The following MRPL1 variants were observed in gnomAD, a reference collection of about 807,000 sequenced individuals.
MRPL1 encodes mitochondrial ribosomal protein L1.
Under a neutral mutation model 38.0 loss-of-function variants are expected in MRPL1, and 28 were observed. That is an observed-to-expected ratio of 0.74 (90% CI 0.55 to 1.01). MRPL1 has a LOEUF of 1.01. Among genes scored for constraint, MRPL1 ranks in the 50% least tolerant of loss-of-function variants. The pLI, the probability that MRPL1 is intolerant of heterozygous loss-of-function variation, is 0.00. For missense variants in MRPL1, 358 were observed against 389.8 expected (o/e 0.92, Z 0.69); for synonymous variants, 123 against 126.7 (o/e 0.97, Z 0.20).
intron 5 of MRPL1, among the ~76,000 whole-genome samples, chr4:77,890,602 C>T (rs1735784754): frequency 6.6e-6 from 1 of 152,308 alleles, no homozygotes; most frequent in Non-Finnish European, 1.5e-5. Context: ...TCTCTCACTC[C>T]TATTCAACAT....
rs573840599 is a variant in MRPL1, at chr4:77,891,833, A to G, written c.559-2306A>G. 2.0e-5 allele frequency among the ~76,000 whole-genome samples: 3 copies of G among 152,342 alleles called. No individual in the cohort carries two copies. The South Asian group carries it at 6.2e-4, about 32-fold the overall frequency. On this transcript the variant is annotated intron_variant, in intron 5 of 8. Transcript: ENST00000315567. ...ATTTTAAAATTCTGTAGTATAGAAA[A>G]TATTAACAGGTACAGAATTTCTCTT...
intron 7 of MRPL1, among the ~76,000 whole-genome samples, chr4:77,914,602 ATTATC>A (rs964709771): frequency 1.3e-5 from 2 of 152,176 alleles, no homozygotes; most frequent in Non-Finnish European, 2.9e-5. Flanking sequence ...TATTATTAGA[ATTATC>A]TTATAGTTAA....
intron 6 of MRPL1, among the ~76,000 whole-genome samples, chr4:77,895,294 G>A (rs1347738368): frequency 2.0e-5 from 3 of 152,108 alleles, no homozygotes; most frequent in Admixed American, 1.3e-4. Flanking sequence ...TCTTCATAAC[G>A]AGACTGGAGT....
intron 2 of MRPL1, among the ~76,000 whole-genome samples, chr4:77,872,828 G>T (rs938726848): frequency 6.6e-6 from 1 of 152,050 alleles, no homozygotes; most frequent in African/African-American, 2.4e-5. Context: ...GCACCACTGT[G>T]CTCCAGCCTG....
chr4:77,868,536 C>T lies in MRPL1; in HGVS notation c.32-3208C>T, dbSNP rs374585247. Among the ~76,000 whole-genome samples the T allele has an allele frequency of 6.6e-5, 10 of 152,274 alleles. No individual in the cohort carries two copies. The East Asian group carries it at 1.5e-3, about 23-fold the overall frequency. ...GATTACCGGCATGAGCCACCACGCC[C>T]GACCTGGATAATTATTTCTTTAGTT... is the stretch of plus-strand genomic sequence containing the variant. On this transcript the variant is annotated intron_variant, in intron 1 of 8. Transcript: ENST00000315567.
At chr4:77,913,753 G>A (rs527914710) in intron 7 of MRPL1, among the ~76,000 whole-genome samples, 8 of 152,220 alleles carry the variant, frequency 5.3e-5, no homozygotes, top group African/African-American at 1.9e-4. Context: ...TTCACTGCAG[G>A]TGAATATAAA....
At chr4:77,893,871 G>A (rs1040158459) in intron 5 of MRPL1, among the ~76,000 whole-genome samples, 5 of 152,000 alleles carry the variant, frequency 3.3e-5, no homozygotes, top group Non-Finnish European at 7.4e-5. Flanking sequence ...GCTGTGTTGT[G>A]ACTTGTAACA....
intron 1 of MRPL1, chr4:77,864,580 A>G (rs11931686): frequency 0.54 from 82,600 of 152,082 alleles, 22,763 homozygotes; most frequent in Admixed American, 0.58. Flanking sequence ...TTATATTGCA[A>G]AATCACTTTG....
chr4:77,886,035 C>G (rs1735668349), intron 4 of MRPL1, among the ~76,000 whole-genome samples: 1 of 152,152 alleles, frequency 6.6e-6, no homozygotes, highest in Non-Finnish European at 1.5e-5. Context: ...CCACAACTTT[C>G]AAAAGTATCT....
chr4:77,879,905 C>T (rs1735498009), intron 2 of MRPL1, among the ~76,000 whole-genome samples: 1 of 152,138 alleles, frequency 6.6e-6, no homozygotes, highest in African/African-American at 2.4e-5. Flanking sequence ...TTGAATTGCT[C>T]ATTAGCTGGG....
At chr4:77,916,909 T>A (rs1414311475) in intron 7 of MRPL1, among the ~76,000 whole-genome samples, 1 of 152,222 alleles carries the variant, frequency 6.6e-6, no homozygotes, top group East Asian at 1.9e-4. Flanking sequence ...ATGTTTATAC[T>A]AATTTATCAT....
chr4:77,906,271 G>T (rs1736156409), intron 6 of MRPL1, among the ~76,000 whole-genome samples: 1 of 152,154 alleles, frequency 6.6e-6, no homozygotes, highest in South Asian at 2.1e-4. Flanking sequence ...GGTCAAGTCA[G>T]AGGAACACTG....
rs952343728 is a variant in MRPL1 at position 77,943,175 on chromosome 4, A to AT, written c.778-6612dup. ...CTGGATGCAAAATTATTGGCCAATA[A>AT]TTTTTTTTTTAAGGAGGCTGAAGAT... On this transcript the variant is annotated intron_variant, in intron 7 of 8. Transcript: ENST00000315567. Among the ~76,000 whole-genome samples, 137 of 149,566 alleles carry AT rather than the reference A, an allele frequency of 9.2e-4. 1 individual carries two copies. Among genetic ancestry groups the AT allele is most frequent in the Admixed American group, 1.6e-3 (24 of 14,966 alleles).
rs556264887 is a variant in MRPL1, at chr4:77,874,665, T to C, written c.143+2810T>C. 6.6e-5 allele frequency among the ~76,000 whole-genome samples: 10 copies of C among 152,274 alleles called. No homozygotes were observed. The South Asian group carries it at 2.1e-3, about 32-fold the overall frequency. The stretch of plus-strand genomic sequence containing the variant: ...TTCCCATGTATAGTATAGTCAAATT[T>C]TTTCATCTTTGACAATTTGATAGGT... On this transcript the variant is annotated intron_variant, in intron 2 of 8. Coordinates refer to ENST00000315567, the MANE Select transcript of MRPL1 (RefSeq NM_020236.4).
At chr4:77,945,831 C>T (rs1357897235) in intron 7 of MRPL1, among the ~76,000 whole-genome samples, 1 of 151,912 alleles carries the variant, frequency 6.6e-6, no homozygotes, top group African/African-American at 2.4e-5. Context: ...AAAAGGAGAA[C>T]AAAGATCACA....
At chr4:77,909,054 A>C (rs952028243) in intron 6 of MRPL1, among the ~76,000 whole-genome samples, 7 of 152,240 alleles carry the variant, frequency 4.6e-5, no homozygotes, top group Non-Finnish European at 7.3e-5. Context: ...AATTATGTAC[A>C]CATGATTATT....
In MRPL1 at chr4:77,909,356, A is replaced by G; in HGVS notation, c.761A>G (p.Gln254Arg). The G allele has an allele frequency of 1.9e-6, 3 of 1,575,240 alleles. No homozygotes were observed. The highest frequency in any genetic ancestry group is 2.6e-6 in the Non-Finnish European group (3 of 1,149,176). The change falls in exon 7 of 9, where the codon CAG becomes CGG. Residue 254 changes from glutamine to arginine, a missense_variant. Coordinates refer to ENST00000315567, the MANE Select transcript of MRPL1 (RefSeq NM_020236.4). ...GATGAAGAAAGGGAGAACTTTCTCCAGACCAAAATAGCAACAGTAAGTTAC... is the reference window on the plus strand; with the variant it reads ...GATGAAGAAAGGGAGAACTTTCTCCGGACCAAAATAGCAACAGTAAGTTAC... ...KVDEERENFLQTKIATLDMSS... is the reference protein window; with the variant it reads ...KVDEERENFLRTKIATLDMSS...
At chr4:77,865,751 T>G (rs1735124936) in intron 1 of MRPL1, among the ~76,000 whole-genome samples, 1 of 152,172 alleles carries the variant, frequency 6.6e-6, no homozygotes, top group South Asian at 2.1e-4. Flanking sequence ...AGACTCTGAC[T>G]TCTCACTGCC....
intron 7 of MRPL1, among the ~76,000 whole-genome samples, chr4:77,934,212 A>C (rs902669210): frequency 6.6e-6 from 1 of 152,240 alleles, no homozygotes; most frequent in African/African-American, 2.4e-5. Context: ...ACTTCATCCA[A>C]ATTTAAAACT....
Sources: allele counts gnomAD v4.1 joint callset (sites outside exome capture counted in the v4.1 genomes callset), GRCh38; gene constraint gnomAD v4.1.1; transcripts MANE v1.5; gene names NCBI Gene and HGNC (gene_info 2026-07-23, HGNC 2026-07-21).